SCAMP1: variants seen among roughly 807,000 people sequenced by gnomAD.
SCAMP1 encodes the protein secretory carrier-associated membrane protein 1.
In SCAMP1, 15 loss-of-function variants were observed where a neutral mutation model predicts 41.8. The observed-to-expected ratio is 0.36, with a 90% confidence interval of 0.24 to 0.55. The LOEUF (loss-of-function observed/expected upper bound fraction) is 0.55, where lower values mean the gene tolerates loss of function less well. Ranked by LOEUF, SCAMP1 falls within the 20% of genes least tolerant of loss-of-function variation. SCAMP1 has a pLI of 0.86. For missense variants in SCAMP1, 341 were observed against 412.6 expected, an observed-to-expected ratio of 0.83 and a Z score of 1.50; for synonymous variants, 135 against 136.8, an observed-to-expected ratio of 0.99 and a Z score of 0.09.
Position 78,454,692 on chromosome 5 carries a change from C to T in SCAMP1, c.735-4553C>T, listed in dbSNP as rs961850745. On this transcript the variant is annotated intron_variant, in intron 7 of 8. Coordinates refer to ENST00000621999, the MANE Select transcript of SCAMP1 (RefSeq NM_004866.6). ...GGCTTTGGTATCAGAATGATGCTGG[C>T]CTCATAAAATGACTTAGGGAGGATT... 2.0e-3 allele frequency among the ~76,000 whole-genome samples: 308 copies of T among 152,220 alleles called. 1 individual carries two copies. Among genetic ancestry groups the T allele is most frequent in the African/African-American group, 6.9e-3 (286 of 41,514 alleles).
At chr5:78,470,068 G>T (rs966783091) in intron 8 of SCAMP1, among the ~76,000 whole-genome samples, 3 of 151,752 alleles carry the variant, frequency 2.0e-5, no homozygotes, top group Middle Eastern at 3.2e-3. Context: ...CTCCAGCCTG[G>T]GCTACTGAGT....
chr5:78,435,542 A>G (rs1203175862), intron 6 of SCAMP1, among the ~76,000 whole-genome samples: 1 of 152,226 alleles, frequency 6.6e-6, no homozygotes, highest in Non-Finnish European at 1.5e-5. Context: ...ATGTCCCCGC[A>G]AAGGACATGA....
rs893924569 is a variant in SCAMP1 at position 78,385,851 on chromosome 5, T to C, written c.58-2986T>C. ...GATTTCCTTATATTTGTTGAGACTTTTTTTGTCCCTATGATGTGGTCTATC... is the reference window on the plus strand; with the variant it reads ...GATTTCCTTATATTTGTTGAGACTTCTTTTGTCCCTATGATGTGGTCTATC... On this transcript the variant is annotated intron_variant, in intron 1 of 8. Coordinates refer to ENST00000621999, the MANE Select transcript of SCAMP1 (RefSeq NM_004866.6). 1.2e-4 allele frequency among the ~76,000 whole-genome samples: 18 copies of C among 152,150 alleles called. 1 individual carries two copies. Among genetic ancestry groups the C allele is most frequent in the African/African-American group, 4.1e-4 (17 of 41,448 alleles).
At chr5:78,399,050 A>G (rs1320249902) in intron 2 of SCAMP1, among the ~76,000 whole-genome samples, 1 of 152,226 alleles carries the variant, frequency 6.6e-6, no homozygotes, top group Non-Finnish European at 1.5e-5. Context: ...CTACAGTGTC[A>G]TATAGTTGGA....
At chr5:78,409,232 A>G (rs945687148) in intron 2 of SCAMP1, among the ~76,000 whole-genome samples, 1 of 152,224 alleles carries the variant, frequency 6.6e-6, no homozygotes. Context: ...CTTGCCTCCC[A>G]GGATTTCTTG....
intron 6 of SCAMP1, among the ~76,000 whole-genome samples, chr5:78,426,850 A>G (rs1237198158): frequency 6.6e-6 from 1 of 152,150 alleles, no homozygotes; most frequent in Non-Finnish European, 1.5e-5. Context: ...TTTTACTTAG[A>G]ATAACGTTTT....
intron 4 of SCAMP1, 145 bp from the exon 5 acceptor site, chr5:78,418,630 A>T (rs1752264370): frequency 5.2e-6 from 3 of 574,540 alleles, no homozygotes; most frequent in African/African-American, 2.0e-5. Flanking sequence ...TGTCTTTCAG[A>T]GTTCTAGGAA....
intron 6 of SCAMP1, among the ~76,000 whole-genome samples, chr5:78,443,677 T>TG (rs71001106): frequency 7.6e-5 from 11 of 144,458 alleles, no homozygotes; most frequent in African/African-American, 2.9e-4. Context: ...TTTTTTTTTT[T>TG]GAGATAGGAT....
At position 78,459,334 on chromosome 5, in the gene SCAMP1, C is replaced by T. The variant is rs776642657; in HGVS notation, c.824C>T (p.Ala275Val). The change falls in exon 8 of 9, where the codon GCA becomes GTA. Residue 275 changes from alanine (A) to valine (V), a missense_variant. Coordinates refer to ENST00000621999, the MANE Select transcript of SCAMP1 (RefSeq NM_004866.6). ...IIIAALFTAS[A>V]VISLVMFKKV... is the part of the protein sequence containing the mutation. ...ATAGCAGCACTTTTCACAGCATCAG[C>T]AGTCATCTCACTAGTTATGTTCAAA... is the stretch of plus-strand genomic sequence containing the variant. The T allele has an allele frequency of 1.3e-6, 2 of 1,585,018 alleles. No individual in the cohort carries two copies. Among genetic ancestry groups the T allele is most frequent in the South Asian group, 1.1e-5 (1 of 89,982 alleles).
chr5:78,380,146 A>G (rs1272487192), intron 1 of SCAMP1, among the ~76,000 whole-genome samples: 1 of 152,250 alleles, frequency 6.6e-6, no homozygotes, highest in Non-Finnish European at 1.5e-5. Flanking sequence ...TTACAACTGC[A>G]TAATGATACT....
chr5:78,469,056 C>T (rs1210635390), intron 8 of SCAMP1, among the ~76,000 whole-genome samples: 1 of 152,082 alleles, frequency 6.6e-6, no homozygotes, highest in African/African-American at 2.4e-5. Context: ...ACTGTATTTT[C>T]TATGTGAGTT....
intron 2 of SCAMP1, among the ~76,000 whole-genome samples, chr5:78,401,675 GTC>G (rs1162335862): frequency 6.6e-6 from 1 of 152,096 alleles, no homozygotes; most frequent in Non-Finnish European, 1.5e-5. Context: ...CTTAGTGGAT[GTC>G]TCTTCCTTCA....
In SCAMP1 at chr5:78,429,639, C is replaced by T. The variant is rs190589711; in HGVS notation, c.632+7679C>T. 7.8e-4 allele frequency among the ~76,000 whole-genome samples: 118 copies of T among 152,096 alleles called. 1 individual carries two copies. Among genetic ancestry groups the T allele is most frequent in the African/African-American group, 2.8e-3 (117 of 41,498 alleles). Reference sequence around the variant, plus strand: ...AGAGTTGCAGGGAATGAGAGCAGTTCTAGGCAAGAATGCCACAGACTCATG... The same window carrying T: ...AGAGTTGCAGGGAATGAGAGCAGTTTTAGGCAAGAATGCCACAGACTCATG... On this transcript the variant is annotated intron_variant, in intron 6 of 8. Transcript: ENST00000621999.
intron 1 of SCAMP1, 67 bp from the exon 2 acceptor site, chr5:78,388,770 T>C (rs2112085146): frequency 2.4e-6 from 2 of 833,136 alleles, no homozygotes; most frequent in Non-Finnish European, 3.9e-6. Flanking sequence ...GCAAATGGTA[T>C]GTAAATATCA....
At chr5:78,420,573 A>G (rs974766963) in intron 5 of SCAMP1, among the ~76,000 whole-genome samples, 8 of 152,226 alleles carry the variant, frequency 5.3e-5, no homozygotes, top group African/African-American at 1.7e-4. Flanking sequence ...CTTTTGTGAT[A>G]GAATTGAATG....
At chr5:78,452,327 C>T (rs1309050497) in intron 7 of SCAMP1, among the ~76,000 whole-genome samples, 1 of 134,182 alleles carries the variant, frequency 7.5e-6, no homozygotes, top group Admixed American at 7.6e-5. Context: ...AATGCTATCC[C>T]TCCCCCCTCC....
intron 5 of SCAMP1, 84 bp downstream of exon 5, chr5:78,418,987 G>A: frequency 2.6e-6 from 3 of 1,137,314 alleles, no homozygotes; most frequent in East Asian, 5.5e-5. Context: ...GGATAGTATA[G>A]CAAACCAGTC....
At chr5:78,391,947 G>A (rs1377553784) in intron 2 of SCAMP1, among the ~76,000 whole-genome samples, 1 of 152,144 alleles carries the variant, frequency 6.6e-6, no homozygotes, top group Non-Finnish European at 1.5e-5. Context: ...AGTGAGCCGA[G>A]ATGGCAGCAG....
intron 8 of SCAMP1, among the ~76,000 whole-genome samples, chr5:78,461,212 C>A (rs1011588015): frequency 6.6e-6 from 1 of 152,084 alleles, no homozygotes; most frequent in Non-Finnish European, 1.5e-5. Flanking sequence ...TGTTTGTGTT[C>A]CATTTGCTAT....
Sources: gnomAD v4.1 joint callset for allele counts (sites outside exome capture counted in the v4.1 genomes callset) on GRCh38, gnomAD v4.1.1 for gene constraint, MANE v1.5 for transcripts, NCBI Gene and HGNC (gene_info 2026-07-23, HGNC 2026-07-21) for gene names.